Variants in CD2AP observed in about 807,000 individuals in gnomAD.
CD2AP encodes CD2-associated protein.
CD2AP carries 46 observed loss-of-function variants against 85.1 expected under a neutral mutation model. That is an observed-to-expected ratio of 0.54 (90% CI 0.43 to 0.69). The LOEUF (loss-of-function observed/expected upper bound fraction) is 0.69, where lower values mean the gene tolerates loss of function less well. Ranked by LOEUF, CD2AP falls within the 30% of genes least tolerant of loss-of-function variation. The pLI is 0.00. For synonymous variants in CD2AP, 255 were observed against 252.9 expected (o/e 1.01, Z -0.08); for missense variants, 769 against 729.5 (o/e 1.05, Z -0.62).
intron 11 of CD2AP, among the ~76,000 whole-genome samples, chr6:47,594,371 A>G (rs1408207024): frequency 6.6e-6 from 1 of 152,120 alleles, no homozygotes; most frequent in Non-Finnish European, 1.5e-5. Context: ...TGATTTAGTT[A>G]TGGACATAAC....
Position 47,478,180 on chromosome 6 carries a change from C to A in CD2AP, c.-65C>A. On this transcript the variant is annotated 5_prime_UTR_variant, in exon 1 of 18. Transcript: ENST00000359314. ...GCCTCCAGCCGCGGGAGCGGCCGCGCGAGCCACCACTGGAGGAGGAGGAGG... is the reference window on the plus strand; with the variant it reads ...GCCTCCAGCCGCGGGAGCGGCCGCGAGAGCCACCACTGGAGGAGGAGGAGG... The A allele has an allele frequency of 1.9e-6, 3 of 1,549,106 alleles. No homozygotes were observed. Among genetic ancestry groups the A allele is most frequent in the East Asian group, 2.4e-5 (1 of 41,064 alleles).
Position 47,627,011 on chromosome 6 carries a change from A to G in CD2AP, c.*2784A>G, listed in dbSNP as rs537412633. The G allele has an allele frequency of 6.6e-6, 1 of 152,558 alleles. No homozygotes were observed. Among genetic ancestry groups the G allele is most frequent in the African/African-American group, 2.4e-5 (1 of 41,536 alleles). 9.5% of individuals were successfully genotyped at this position (152,558 alleles called of 1,614,324 possible). A position where few individuals can be genotyped will look rare whatever the true frequency, so the allele number is the denominator to read the frequency against. On this transcript the variant is annotated 3_prime_UTR_variant, in exon 18 of 18. Coordinates refer to ENST00000359314, the MANE Select transcript of CD2AP (RefSeq NM_012120.3). ...GTAATGCAGTTGATGTTGTAACCTA[A>G]CATTCCAAAAAAAAAATTGAGAGGG...
At chr6:47,514,128 G>C (rs372951644) in intron 2 of CD2AP, among the ~76,000 whole-genome samples, 11 of 151,850 alleles carry the variant, frequency 7.2e-5, no homozygotes, top group African/African-American at 2.7e-4. Context: ...TGTATTCCTC[G>C]TAAATGCTTT....
chr6:47,566,537 T>C (rs1280127351), intron 5 of CD2AP, among the ~76,000 whole-genome samples: 1 of 152,018 alleles, frequency 6.6e-6, no homozygotes, highest in Non-Finnish European at 1.5e-5. Flanking sequence ...ATGCAGAACA[T>C]GCAGGTTTGT....
intron 3 of CD2AP, among the ~76,000 whole-genome samples, chr6:47,540,044 A>G (rs78682755): frequency 0.077 from 11,624 of 151,082 alleles, 465 homozygotes; most frequent in South Asian, 0.13. Context: ...TTAGCCCAGT[A>G]TGGTGGTGAG....
Position 47,529,195 on chromosome 6 carries a change from C to A in CD2AP, c.166-4407C>A, listed in dbSNP as rs949774408. On this transcript the variant is annotated intron_variant, in intron 2 of 17. Coordinates refer to ENST00000359314, the MANE Select transcript of CD2AP (RefSeq NM_012120.3). Reference sequence around the variant, plus strand: ...TAACTCTAGTACTGCCCCCCCCCCCCCCCCCAACTTATTGCACTATGGCAG... The same window carrying A: ...TAACTCTAGTACTGCCCCCCCCCCCACCCCCAACTTATTGCACTATGGCAG... Among the ~76,000 whole-genome samples, 89 of 119,934 alleles carry A rather than the reference C, an allele frequency of 7.4e-4. 2 individuals carry two copies. The South Asian group carries it at 0.025, about 34-fold the overall frequency. The allele number at this position is 119,934 out of a possible 152,430, so 78.7% of individuals were successfully genotyped here. A position where few individuals can be genotyped will look rare whatever the true frequency, so the allele number is the denominator to read the frequency against.
At chr6:47,610,015 G>A (rs1247562031) in intron 16 of CD2AP, among the ~76,000 whole-genome samples, 6 of 152,094 alleles carry the variant, frequency 3.9e-5, no homozygotes, top group Non-Finnish European at 1.5e-5. Flanking sequence ...TGTTGGGATA[G>A]GTGATCTCTA....
intron 7 of CD2AP, 94 bp downstream of exon 7, chr6:47,576,696 A>T (rs373185402): frequency 1.6e-5 from 15 of 944,050 alleles, no homozygotes; most frequent in African/African-American, 1.3e-4. Flanking sequence ...ACACTGTCTT[A>T]TTAGAATAGC....
intron 16 of CD2AP, among the ~76,000 whole-genome samples, chr6:47,611,242 A>G (rs1160151415): frequency 1.3e-5 from 2 of 151,546 alleles, no homozygotes; most frequent in Non-Finnish European, 3.0e-5. Flanking sequence ...CATACACGCA[A>G]TCAGTGTATT....
At chr6:47,493,432 TA>T (rs1765782910) in intron 1 of CD2AP, among the ~76,000 whole-genome samples, 1 of 151,960 alleles carries the variant, frequency 6.6e-6, no homozygotes, top group Non-Finnish European at 1.5e-5. Flanking sequence ...AAGCCTGCTG[TA>T]ATTCTTATCC....
intron 16 of CD2AP, among the ~76,000 whole-genome samples, chr6:47,610,972 T>TGTA (rs1491427733): frequency 0.028 from 1,600 of 56,220 alleles, 11 homozygotes; most frequent in Non-Finnish European, 0.032. Context: ...TATATATGTA[T>TGTA]TTTTTTTTTT....
intron 17 of CD2AP, among the ~76,000 whole-genome samples, chr6:47,617,222 C>G (rs754966909): frequency 6.6e-6 from 1 of 152,164 alleles, no homozygotes; most frequent in Non-Finnish European, 1.5e-5. Flanking sequence ...ACTTTGGCCT[C>G]CCAAAGTGGT....
Position 47,478,073 on chromosome 6 carries a change from G to A in CD2AP, c.-172G>A, listed in dbSNP as rs1180291719. On this transcript the variant is annotated 5_prime_UTR_variant, in exon 1 of 18. Coordinates refer to ENST00000359314, the MANE Select transcript of CD2AP (RefSeq NM_012120.3). The stretch of plus-strand genomic sequence containing the variant: ...CCTCGAGGGCCGCGCTGAAGAGACT[G>A]GTAGGAGAGCGCCGCGGGCGGATGG... 9 of 818,442 alleles carry A rather than the reference G, an allele frequency of 1.1e-5. No individual in the cohort carries two copies. Among genetic ancestry groups the A allele is most frequent in the Non-Finnish European group, 1.8e-5 (9 of 502,488 alleles). The allele number at this position is 818,442 out of a possible 1,614,324, so 50.7% of individuals were successfully genotyped here. A position where few individuals can be genotyped will look rare whatever the true frequency, so the allele number is the denominator to read the frequency against.
At chr6:47,520,730 G>GTTTTT (rs35163088) in intron 2 of CD2AP, among the ~76,000 whole-genome samples, 7 of 86,372 alleles carry the variant, frequency 8.1e-5, no homozygotes, top group Admixed American at 2.5e-4. Flanking sequence ...TGGTGCTACA[G>GTTTTT]TTTTTTTTTT....
chr6:47,529,939 T>C (rs1013424525), intron 2 of CD2AP, among the ~76,000 whole-genome samples: 2 of 152,222 alleles, frequency 1.3e-5, no homozygotes, highest in Non-Finnish European at 2.9e-5. Flanking sequence ...TAGTGTTGTC[T>C]TCATTCCTCA....
chr6:47,519,043 C>G (rs188742919), intron 2 of CD2AP, among the ~76,000 whole-genome samples: 10 of 152,300 alleles, frequency 6.6e-5, no homozygotes, highest in Admixed American at 2.6e-4. Context: ...GTTCCTTGCG[C>G]TAGGACTTTT....
At chr6:47,611,082 T>A (rs1562056726) in intron 16 of CD2AP, among the ~76,000 whole-genome samples, 2 of 148,708 alleles carry the variant, frequency 1.3e-5, no homozygotes, top group East Asian at 1.9e-4. Context: ...TTTTTTTTTT[T>A]AATATCTAAA....
intron 2 of CD2AP, among the ~76,000 whole-genome samples, chr6:47,526,456 A>AT (rs1460640139): frequency 6.6e-6 from 1 of 152,146 alleles, no homozygotes; most frequent in East Asian, 1.9e-4. Flanking sequence ...ATTGTAGACT[A>AT]TAAGATTTTT....
chr6:47,582,195 T>G, intron 11 of CD2AP, 130 bp downstream of exon 11: 1 of 663,384 alleles, frequency 1.5e-6, no homozygotes, highest in Non-Finnish European at 2.8e-6. Flanking sequence ...TAACAATGCT[T>G]GGAGTTTTCT....
Sources: gnomAD v4.1 joint callset for allele counts (sites outside exome capture counted in the v4.1 genomes callset) on GRCh38, gnomAD v4.1.1 for gene constraint, MANE v1.5 for transcripts, NCBI Gene and HGNC (gene_info 2026-07-23, HGNC 2026-07-21) for gene names.